SSH2: variants seen among roughly 807,000 people sequenced by gnomAD.
The protein encoded by SSH2 is protein phosphatase Slingshot homolog 2.
Under a neutral mutation model 135.2 loss-of-function variants are expected in SSH2, and 37 were observed. That is an observed-to-expected ratio of 0.27 (90% CI 0.21 to 0.36). SSH2 has a LOEUF of 0.36. Among genes scored for constraint, SSH2 ranks in the 10% least tolerant of loss-of-function variants. SSH2 has a pLI of 1.00. For synonymous variants in SSH2, 628 were observed against 646.2 expected, an observed-to-expected ratio of 0.97 and a Z score of 0.43; for missense variants, 1,408 against 1,765.3, an observed-to-expected ratio of 0.80 and a Z score of 3.63.
At position 29,632,571 on chromosome 17, in the gene SSH2, G is replaced by A. The variant is rs370450777; in HGVS notation, c.2623C>T (p.Gln875Ter). 3 of 1,614,068 alleles carry A rather than the reference G, an allele frequency of 1.9e-6. No homozygotes were observed. The African/African-American group carries it at 4.0e-5, about 22-fold the overall frequency. The change falls in exon 16 of 16, where the codon CAA becomes TAA. Residue 875 changes from glutamine to a stop codon, truncating the protein, a stop_gained. Transcript: ENST00000540801. LOFTEE classifies it high-confidence loss of function. The stretch of plus-strand genomic sequence containing the variant: ...TGCATCCCTGAGCCCTGGAGCTCTT[G>A]TTCCCCCTCAGCTGGTTCCCCTTCT... ...LEEGEPAEGE[Q>*]ELQGSGMHPG...
intron 8 of SSH2, 51 bp from the exon 9 acceptor site, chr17:29,672,180 G>A: frequency 7.0e-7 from 1 of 1,436,918 alleles, no homozygotes; most frequent in Non-Finnish European, 9.6e-7. Context: ...GGTGCCAAAG[G>A]CCAATAACCT....
chr17:29,839,842 G>A (rs1352515495), intron 2 of SSH2, among the ~76,000 whole-genome samples: 5 of 152,092 alleles, frequency 3.3e-5, no homozygotes, highest in Non-Finnish European at 5.9e-5. Flanking sequence ...AAAGAGCACC[G>A]GCTGGGAGTG....
rs115831272 is a variant in SSH2 at position 29,639,127 on chromosome 17, T to C, written c.1428-2325A>G. Among the ~76,000 whole-genome samples the C allele has an allele frequency of 3.9e-3, 599 of 152,186 alleles. 4 individuals are homozygous for C. Among genetic ancestry groups the C allele is most frequent in the African/African-American group, 0.014 (583 of 41,518 alleles). ...CAGAAGAATCTCTGGGTAAAAATCA[T>C]TAAGCTAAGGAGACACGTGGAAAAA... On this transcript the variant is annotated intron_variant, in intron 14 of 15. Transcript: ENST00000540801.
intron 1 of SSH2, among the ~76,000 whole-genome samples, chr17:29,854,919 C>G (rs1289145492): frequency 6.6e-6 from 1 of 152,008 alleles, no homozygotes; most frequent in Non-Finnish European, 1.5e-5. Flanking sequence ...TGCACTCCAG[C>G]CTGGGAGACA....
At chr17:29,790,930 T>C (rs2042054294) in intron 3 of SSH2, among the ~76,000 whole-genome samples, 1 of 152,028 alleles carries the variant, frequency 6.6e-6, no homozygotes, top group South Asian at 2.1e-4. Context: ...GATTTCGCCA[T>C]GTTGGCCAGG....
At chr17:29,880,741 C>A (rs2151431363) in intron 1 of SSH2, among the ~76,000 whole-genome samples, 1 of 152,308 alleles carries the variant, frequency 6.6e-6, no homozygotes, top group East Asian at 1.9e-4. Context: ...CATCCCAATT[C>A]TCAAAGGCAA....
chr17:29,850,917 G>A (rs930713735), intron 1 of SSH2, among the ~76,000 whole-genome samples: 3 of 152,266 alleles, frequency 2.0e-5, no homozygotes, highest in East Asian at 1.9e-4. Context: ...CCTGGGAGGT[G>A]GAGGTTGCAG....
intron 11 of SSH2, among the ~76,000 whole-genome samples, chr17:29,664,922 G>A (rs971677107): frequency 3.3e-5 from 5 of 152,112 alleles, no homozygotes; most frequent in Non-Finnish European, 5.9e-5. Flanking sequence ...AATAAAACAG[G>A]TTGATCAGTC....
chr17:29,638,101 G>T (rs1285482818), intron 14 of SSH2, among the ~76,000 whole-genome samples: 2 of 152,028 alleles, frequency 1.3e-5, no homozygotes, highest in East Asian at 3.9e-4. Flanking sequence ...GTGACACAGC[G>T]AGACTCCATC....
At chr17:29,721,337 C>T (rs916087492) in intron 3 of SSH2, among the ~76,000 whole-genome samples, 2 of 152,014 alleles carry the variant, frequency 1.3e-5, no homozygotes, top group Non-Finnish European at 2.9e-5. Flanking sequence ...CAGTATAATC[C>T]TACACTTGTT....
intron 3 of SSH2, among the ~76,000 whole-genome samples, chr17:29,748,015 T>C (rs868125441): frequency 6.6e-6 from 1 of 152,174 alleles, no homozygotes; most frequent in Non-Finnish European, 1.5e-5. Flanking sequence ...AGGCAAATAG[T>C]AGTAGTTTAG....
intron 5 of SSH2, among the ~76,000 whole-genome samples, chr17:29,693,211 G>C (rs963321912): frequency 9.2e-5 from 14 of 152,058 alleles, no homozygotes; most frequent in African/African-American, 3.1e-4. Context: ...GCCTCCCAAA[G>C]TGCTAGGATT....
chr17:29,761,843 ATGTGTGTGTG>A (rs752691137), intron 3 of SSH2, among the ~76,000 whole-genome samples: 2 of 142,482 alleles, frequency 1.4e-5, no homozygotes, highest in African/African-American at 5.4e-5. Context: ...TCACATACAT[ATGTGTGTGTG>A]TGTGTGTGTG....
At chr17:29,742,066 C>T (rs955436052) in intron 3 of SSH2, among the ~76,000 whole-genome samples, 3 of 150,336 alleles carry the variant, frequency 2.0e-5, no homozygotes, top group African/African-American at 7.3e-5. Flanking sequence ...TTCCAAATAG[C>T]TGGGATTACA....
At chr17:29,649,042 G>A (rs1405734854) in intron 13 of SSH2, among the ~76,000 whole-genome samples, 2 of 152,016 alleles carry the variant, frequency 1.3e-5, no homozygotes, top group Non-Finnish European at 2.9e-5. Context: ...TCAGGAGGCC[G>A]AGGCAGGAGA....
chr17:29,639,730 A>T (rs1477333582), intron 14 of SSH2: 1 of 152,034 alleles, frequency 6.6e-6, no homozygotes, highest in African/African-American at 2.4e-5. Flanking sequence ...CACGCATCTC[A>T]AGTGAGTGGC....
intron 1 of SSH2, among the ~76,000 whole-genome samples, chr17:29,871,890 C>A (rs1013815444): frequency 6.6e-6 from 1 of 152,060 alleles, no homozygotes; most frequent in Admixed American, 6.5e-5. Flanking sequence ...AATATTTATA[C>A]AAAAATATTC....
chr17:29,929,432 G>C (rs77623567), intron 1 of SSH2: 9,834 of 187,532 alleles, frequency 0.052, 528 homozygotes, highest in African/African-American at 0.15. Flanking sequence ...AGCCTGAACA[G>C]TACAGAGCAA....
chr17:29,696,672 C>CGT (rs60502729), intron 4 of SSH2, among the ~76,000 whole-genome samples: 24,825 of 137,284 alleles, frequency 0.18, 2,617 homozygotes, highest in African/African-American at 0.29. Flanking sequence ...TATATACGTA[C>CGT]GTGTGTGTGT....
Sources: allele counts gnomAD v4.1 joint callset (sites outside exome capture counted in the v4.1 genomes callset), GRCh38; gene constraint gnomAD v4.1.1; transcripts MANE v1.5; gene names NCBI Gene and HGNC (gene_info 2026-07-23, HGNC 2026-07-21).